DYNC2H1: variants seen among roughly 807,000 people sequenced by gnomAD.
DYNC2H1 encodes the protein dynein cytoplasmic 2 heavy chain 1.
Under a neutral mutation model 570.0 loss-of-function variants are expected in DYNC2H1, and 410 were observed. The ratio of observed to expected loss-of-function variants is 0.72; its 90% CI spans 0.66 to 0.78. The LOEUF is 0.78. DYNC2H1 is among the 30% of genes least tolerant of loss of function. DYNC2H1 has a pLI of 0.00. For missense variants in DYNC2H1, 4,865 were observed against 5,046.4 expected (o/e 0.96, Z 1.09); for synonymous variants, 1,688 against 1,677.6 (o/e 1.01, Z -0.15).
At chr11:103,130,967 C>T (rs531294182) in intron 13 of DYNC2H1, among the ~76,000 whole-genome samples, 1 of 152,142 alleles carries the variant, frequency 6.6e-6, no homozygotes, top group Admixed American at 6.5e-5. Flanking sequence ...TATTTATTTT[C>T]ATATTCTCAA....
intron 83 of DYNC2H1, among the ~76,000 whole-genome samples, chr11:103,368,842 C>A (rs1941024964): frequency 6.6e-6 from 1 of 151,800 alleles, no homozygotes; most frequent in Non-Finnish European, 1.5e-5. Flanking sequence ...ACTGTCTTTC[C>A]CCAATGTGTG....
At chr11:103,471,786 GGGAA>G (rs905116646) in intron 88 of DYNC2H1, among the ~76,000 whole-genome samples, 1 of 152,088 alleles carries the variant, frequency 6.6e-6, no homozygotes, top group Non-Finnish European at 1.5e-5. Context: ...CCGCCAACTG[GGGAA>G]GCAAATAAGC....
intron 82 of DYNC2H1, among the ~76,000 whole-genome samples, chr11:103,330,058 G>A (rs1938697252): frequency 6.6e-6 from 1 of 152,042 alleles, no homozygotes; most frequent in Non-Finnish European, 1.5e-5. Context: ...AACATTATTT[G>A]CCTCTAATAT....
At chr11:103,235,883 A>C (rs908919321) in intron 62 of DYNC2H1, 70 bp downstream of exon 62, 1 of 1,571,070 alleles carries the variant, frequency 6.4e-7, no homozygotes, top group African/African-American at 1.4e-5. Flanking sequence ...ATTTCAATAT[A>C]CTAAAAATAG....
In DYNC2H1 at chr11:103,189,711, A is replaced by T; in HGVS notation, c.7332A>T (p.Ala2444=). 1.9e-6 allele frequency: 3 copies of T among 1,613,052 alleles called. No individual in the cohort carries two copies. The highest frequency in any genetic ancestry group is 1.1e-5 in the South Asian group (1 of 91,040). Residue 2444 remains alanine (A), a synonymous_variant, in exon 45 of 89, where the codon GCA becomes GCT. Coordinates refer to ENST00000375735, the MANE Select transcript of DYNC2H1 (RefSeq NM_001377.3). The surrounding 1 kb of genome is among the most constrained non-coding windows in gnomAD (Gnocchi z 4.3). ...AGCAGTTACAAACGATTTATGGAGC[A>T]TATTTGGAACCAGTTCTACATAAAA... is the stretch of plus-strand genomic sequence containing the variant. The part of the protein sequence containing the change: ...EREQLQTIYG[A]YLEPVLHKNL...
chr11:103,360,039 C>G (rs1488023998), intron 83 of DYNC2H1, among the ~76,000 whole-genome samples: 1 of 152,086 alleles, frequency 6.6e-6, no homozygotes, highest in Non-Finnish European at 1.5e-5. Flanking sequence ...AACACACCCC[C>G]TAATTACCTG....
Position 103,374,556 on chromosome 11 carries a change from T to G in DYNC2H1, c.12156+16197T>G, listed in dbSNP as rs532882140. On this transcript the variant is annotated intron_variant, in intron 83 of 88. Transcript: ENST00000375735. ...AAGGTGTGGGAAAGTTTGGACCTTC[T>G]TACAGACTTGTTGAACGGCTTTGAC... Among the ~76,000 whole-genome samples the G allele has an allele frequency of 1.1e-4, 17 of 152,254 alleles. No homozygotes were observed. The South Asian group carries it at 3.5e-3, about 32-fold the overall frequency.
intron 87 of DYNC2H1, among the ~76,000 whole-genome samples, chr11:103,467,846 C>T (rs313857): frequency 0.6 from 90,613 of 152,018 alleles, 28,370 homozygotes; most frequent in East Asian, 0.8. Flanking sequence ...CGGCACTGTA[C>T]ACTTTAAGTT....
intron 75 of DYNC2H1, among the ~76,000 whole-genome samples, chr11:103,287,983 C>T (rs960197978): frequency 1.3e-5 from 2 of 151,974 alleles, no homozygotes; most frequent in East Asian, 3.9e-4. Flanking sequence ...TGGGTAGGGG[C>T]TTGGGAAGTG....
intron 38 of DYNC2H1, among the ~76,000 whole-genome samples, chr11:103,178,364 TA>T (rs1351690637): frequency 6.6e-6 from 1 of 152,124 alleles, no homozygotes; most frequent in Non-Finnish European, 1.5e-5. Context: ...TCTAAGGCAG[TA>T]AGTGAAAGCA....
rs549756868 is a variant in DYNC2H1, at chr11:103,188,572, A to C, written c.7216A>C (p.Met2406Leu). The C allele has an allele frequency of 6.2e-7, 1 of 1,611,054 alleles. No homozygotes were observed. The highest frequency in any genetic ancestry group is 1.1e-5 in the South Asian group (1 of 90,702). The change falls in exon 44 of 89, where the codon ATG becomes CTG. Residue 2406 changes from methionine (M) to leucine (L), a missense_variant. Met to Leu is a conservative substitution (Grantham distance 15). Transcript: ENST00000375735. ...AGAAAATATTCAAATTGTGGCTTCT[A>C]TGTCAGCTGGAGGAAGACTGGGAAG... Reference protein sequence around the residue: ...GLENIQIVASMSAGGRLGRHK... With the variant: ...GLENIQIVASLSAGGRLGRHK...
chr11:103,153,911 T>G lies in DYNC2H1; in HGVS notation c.3302+403T>G, dbSNP rs1860687706. Among the ~76,000 whole-genome samples, 3 of 151,958 alleles carry G rather than the reference T, an allele frequency of 2.0e-5. No individual in the cohort carries two copies. In the South Asian group the frequency reaches 6.2e-4, roughly 31 times the overall value. On this transcript the variant is annotated intron_variant, in intron 22 of 88. Coordinates refer to ENST00000375735, the MANE Select transcript of DYNC2H1 (RefSeq NM_001377.3). ...AAGAAAAAAATGAGTTGTTGGCTTA[T>G]AATAATATAAAGTATTAAATTTGAG...
intron 61 of DYNC2H1, 104 bp downstream of exon 61, chr11:103,234,264 C>G: frequency 7.6e-7 from 1 of 1,318,040 alleles, no homozygotes; most frequent in Non-Finnish European, 1.0e-6. Context: ...TTAATTTGCA[C>G]CTGGCTCAGG....
chr11:103,395,689 A>G lies in DYNC2H1; in HGVS notation c.12157-3974A>G, dbSNP rs1047243940. On this transcript the variant is annotated intron_variant, in intron 83 of 88. Coordinates refer to ENST00000375735, the MANE Select transcript of DYNC2H1 (RefSeq NM_001377.3). This position sits in a 1 kb window ranked among gnomAD's most constrained non-coding sequence, Gnocchi z 4.3. ...CACATTTCATTGTCTCTGTTTGGTC[A>G]TGCTGCCATCCCTGAACCAGTCACT... Among the ~76,000 whole-genome samples, 8 of 152,124 alleles carry G rather than the reference A, an allele frequency of 5.3e-5. No individual in the cohort carries two copies. The highest frequency in any genetic ancestry group is 1.0e-4 in the Non-Finnish European group (7 of 68,020).
chr11:103,340,183 G>A (rs1234630352), intron 82 of DYNC2H1, among the ~76,000 whole-genome samples: 1 of 152,172 alleles, frequency 6.6e-6, no homozygotes, highest in Non-Finnish European at 1.5e-5. Flanking sequence ...TGTGTTGATA[G>A]TTGTTTAATT....
At chr11:103,303,431 A>T (rs1867134601) in intron 76 of DYNC2H1, among the ~76,000 whole-genome samples, 178 bp downstream of exon 76, 2 of 152,132 alleles carry the variant, frequency 1.3e-5, no homozygotes, top group African/African-American at 4.8e-5. Context: ...AACTTTGCTG[A>T]TGTAATTGAG....
At chr11:103,308,079 AT>A (rs1165032591) in intron 78 of DYNC2H1, among the ~76,000 whole-genome samples, 1 of 151,244 alleles carries the variant, frequency 6.6e-6, no homozygotes, top group Non-Finnish European at 1.5e-5. Context: ...TATCGTAACA[AT>A]TTTTAAGTGT....
chr11:103,112,364 C>G (rs1591253497), intron 1 of DYNC2H1, among the ~76,000 whole-genome samples: 1 of 152,300 alleles, frequency 6.6e-6, no homozygotes, highest in East Asian at 1.9e-4. Context: ...TATTGGTAAT[C>G]TTAAGCAAGA....
rs1861535324 is a variant in DYNC2H1, at chr11:103,170,786, G to C, written c.5152-100G>C. Reference sequence around the variant, plus strand: ...AAATGAGCAAAAGAGGCATAGATGGGATAAATTATCACCTTATCAATAAGT... The same window carrying C: ...AAATGAGCAAAAGAGGCATAGATGGCATAAATTATCACCTTATCAATAAGT... On this transcript the variant is annotated intron_variant, in intron 33 of 88. Transcript: ENST00000375735. This position sits in a 1 kb window ranked among gnomAD's most constrained non-coding sequence, Gnocchi z 4.8. The C allele has an allele frequency of 8.8e-7, 1 of 1,135,616 alleles. No individual in the cohort carries two copies. Among genetic ancestry groups the C allele is most frequent in the Non-Finnish European group, 1.2e-6 (1 of 866,398 alleles). 70.3% of individuals were successfully genotyped at this position (1,135,616 alleles called of 1,614,324 possible).
Sources: gnomAD v4.1 joint callset for allele counts (sites outside exome capture counted in the v4.1 genomes callset) on GRCh38, gnomAD v4.1.1 for gene constraint, Gnocchi (gnomAD v3.1) non-coding constraint, MANE v1.5 for transcripts, NCBI Gene and HGNC (gene_info 2026-07-23, HGNC 2026-07-21) for gene names.